The following NCAM1 variants were observed in gnomAD, a reference collection of about 807,000 sequenced individuals.
NCAM1 encodes the protein antigen recognized by monoclonal antibody 5.1H11.
In NCAM1, 14 loss-of-function variants were observed where a neutral mutation model predicts 109.8. The observed-to-expected ratio is 0.13, with a 90% CI of 0.08 to 0.20. The LOEUF is 0.20. NCAM1 is among the 10% of genes least tolerant of loss of function. The pLI, the probability that NCAM1 is intolerant of heterozygous loss-of-function variation, is 1.00. For synonymous variants in NCAM1, 418 were observed against 442.9 expected, an observed-to-expected ratio of 0.94 and a Z score of 0.70; for missense variants, 774 against 1,109.9, an observed-to-expected ratio of 0.70 and a Z score of 4.30.
chr11:112,976,769 G>T lies in NCAM1; in HGVS notation c.52+15105G>T, dbSNP rs534853825. Reference sequence around the variant, plus strand: ...TCTATATATATTTTTGAAATATTTTGGCTAAAATGCAATTTGATGTGGTAA... The same window carrying T: ...TCTATATATATTTTTGAAATATTTTTGCTAAAATGCAATTTGATGTGGTAA... On this transcript the variant is annotated intron_variant, in intron 1 of 19. Coordinates refer to ENST00000316851, the MANE Select transcript of NCAM1 (RefSeq NM_181351.5). Among the ~76,000 whole-genome samples the T allele has an allele frequency of 2.4e-4, 37 of 151,802 alleles. No individual in the cohort carries two copies. In the Middle Eastern group the frequency reaches 0.017, roughly 70 times the overall value.
chr11:113,204,527 G>A, intron 3 of NCAM1, 23 bp downstream of exon 3: 1 of 1,607,408 alleles, frequency 6.2e-7, no homozygotes, highest in Non-Finnish European at 8.5e-7. Context: ...TTCTTCTTCT[G>A]CATTCTCTGG....
rs782468245 is a variant in NCAM1, at chr11:113,262,905, A to G, written c.2131+2582A>G. The G allele has an allele frequency of 5.0e-6, 8 of 1,613,546 alleles. No individual in the cohort carries two copies. In the African/African-American group the frequency reaches 8.0e-5, roughly 16 times the overall value. ...TGTCTCATTGCTTTTCTCTGCAGTG[A>G]CTCTTCTTTTGCTCTGTTAGGAACT... is the stretch of plus-strand genomic sequence containing the variant. On this transcript the variant is annotated intron_variant, in intron 17 of 19. Coordinates refer to ENST00000316851, the MANE Select transcript of NCAM1 (RefSeq NM_181351.5).
intron 1 of NCAM1, among the ~76,000 whole-genome samples, chr11:113,009,036 G>T (rs190754592): frequency 6.6e-4 from 100 of 152,226 alleles, no homozygotes; most frequent in Non-Finnish European, 1.1e-3. Context: ...CAATAACCTG[G>T]TCTAAGTATT....
At chr11:113,151,858 G>A (rs1942236425) in intron 1 of NCAM1, among the ~76,000 whole-genome samples, 1 of 152,194 alleles carries the variant, frequency 6.6e-6, no homozygotes, top group South Asian at 2.1e-4. Flanking sequence ...AATCCACTGG[G>A]CTGAGAAGCT....
chr11:113,066,502 G>T (rs1937965672), intron 1 of NCAM1, among the ~76,000 whole-genome samples: 1 of 152,108 alleles, frequency 6.6e-6, no homozygotes, highest in Non-Finnish European at 1.5e-5. Flanking sequence ...TCAAAACCAG[G>T]CTTCAGGCCT....
intron 1 of NCAM1, among the ~76,000 whole-genome samples, chr11:113,180,154 C>T (rs1382261825): frequency 2.0e-5 from 3 of 152,196 alleles, no homozygotes; most frequent in African/African-American, 7.2e-5. Context: ...GAGCATTCTC[C>T]TGGCTTCTCA....
At chr11:113,242,220 TAGTA>T (rs781847173) in intron 14 of NCAM1, among the ~76,000 whole-genome samples, 1 of 152,224 alleles carries the variant, frequency 6.6e-6, no homozygotes, top group African/African-American at 2.4e-5. Flanking sequence ...CTGGAATTAA[TAGTA>T]AGAATAAATG....
At chr11:113,253,929 G>A (rs1183298460) in intron 15 of NCAM1, among the ~76,000 whole-genome samples, 1 of 152,168 alleles carries the variant, frequency 6.6e-6, no homozygotes, top group Non-Finnish European at 1.5e-5. Context: ...GCTAAAACCT[G>A]GAATCTTCCA....
At chr11:112,996,186 C>T (rs1356154222) in intron 1 of NCAM1, among the ~76,000 whole-genome samples, 2 of 152,150 alleles carry the variant, frequency 1.3e-5, no homozygotes, top group Non-Finnish European at 2.9e-5. Context: ...TTGTTGTAAA[C>T]TGTGTAATAT....
chr11:113,274,503 A>G lies in NCAM1; in HGVS notation c.2457-764A>G, dbSNP rs1946363990. ...GGCAGAGTCAGACCTAGATTTTTAT[A>G]GAGGCTCCTATGGCTGCTCCCCAGA... On this transcript the variant is annotated intron_variant, in intron 19 of 19. Transcript: ENST00000316851. This position sits in a 1 kb window ranked among gnomAD's most constrained non-coding sequence, Gnocchi z 4.1. Among the ~76,000 whole-genome samples, 1 of 152,188 alleles carries G rather than the reference A, an allele frequency of 6.6e-6. No homozygotes were observed. The highest frequency in any genetic ancestry group is 2.4e-5 in the African/African-American group (1 of 41,440).
At chr11:112,993,790 T>C (rs560605380) in intron 1 of NCAM1, among the ~76,000 whole-genome samples, 1 of 152,380 alleles carries the variant, frequency 6.6e-6, no homozygotes, top group South Asian at 2.1e-4. Flanking sequence ...GATTATTGTA[T>C]TTCCTTTCCT....
chr11:113,045,000 C>T (rs1953216463), intron 1 of NCAM1, among the ~76,000 whole-genome samples: 1 of 152,100 alleles, frequency 6.6e-6, no homozygotes, highest in Admixed American at 6.5e-5. Context: ...GTGATCCGCC[C>T]GCCTCGGCCT....
chr11:113,204,110 C>T (rs1409364773), intron 2 of NCAM1, among the ~76,000 whole-genome samples, 176 bp from the exon 3 acceptor site: 2 of 152,258 alleles, frequency 1.3e-5, no homozygotes, highest in East Asian at 3.9e-4. Context: ...TAGTTAAATG[C>T]AGAGGCCAAA....
At chr11:113,210,212 T>C (rs1162187525) in intron 7 of NCAM1, among the ~76,000 whole-genome samples, 1 of 152,090 alleles carries the variant, frequency 6.6e-6, no homozygotes. Context: ...AATAATAATA[T>C]CAAACACAAG....
At chr11:113,087,706 G>A (rs189539241) in intron 1 of NCAM1, among the ~76,000 whole-genome samples, 1 of 152,292 alleles carries the variant, frequency 6.6e-6, no homozygotes, top group Admixed American at 6.5e-5. Flanking sequence ...TGATCACTTA[G>A]GGGGCTTCAT....
Position 112,962,439 on chromosome 11 carries a change from T to C in NCAM1, c.52+775T>C, listed in dbSNP as rs557479509. 6.6e-6 allele frequency among the ~76,000 whole-genome samples: 1 copy of C among 151,372 alleles called. No individual in the cohort carries two copies. The highest frequency in any genetic ancestry group is 6.6e-5 in the Admixed American group (1 of 15,228). ...AGGGCGTGATTGGGGCTGCCTGGTG[T>C]GTGCGCGCGCGTGTGCGCGCGTGTG... On this transcript the variant is annotated intron_variant, in intron 1 of 19. Coordinates refer to ENST00000316851, the MANE Select transcript of NCAM1 (RefSeq NM_181351.5). This position sits in a 1 kb window ranked among gnomAD's most constrained non-coding sequence, Gnocchi z 5.6.
intron 1 of NCAM1, among the ~76,000 whole-genome samples, chr11:113,049,319 C>A (rs1237975862): frequency 6.6e-6 from 1 of 152,130 alleles, no homozygotes; most frequent in East Asian, 1.9e-4. Context: ...TCATCCCGGG[C>A]CTGATTCATC....
At chr11:113,168,342 G>A (rs782532296) in intron 1 of NCAM1, among the ~76,000 whole-genome samples, 5 of 152,042 alleles carry the variant, frequency 3.3e-5, no homozygotes, top group Non-Finnish European at 1.5e-5. Context: ...TTGTGAACAC[G>A]GCTTTGGAAT....
intron 1 of NCAM1, among the ~76,000 whole-genome samples, chr11:113,181,582 T>C (rs569345493): frequency 6.6e-6 from 1 of 152,180 alleles, no homozygotes; most frequent in Admixed American, 6.5e-5. Flanking sequence ...GCTTAATACC[T>C]AAGTAATGGA....
Sources: gnomAD v4.1 joint callset for allele counts (sites outside exome capture counted in the v4.1 genomes callset) on GRCh38, gnomAD v4.1.1 for gene constraint, Gnocchi (gnomAD v3.1) non-coding constraint, MANE v1.5 for transcripts, NCBI Gene and HGNC (gene_info 2026-07-23, HGNC 2026-07-21) for gene names.